Variants in LRRC74A observed in about 807,000 individuals in gnomAD.
LRRC74A encodes leucine-rich repeat-containing protein 74A.
LRRC74A carries 44 observed loss-of-function variants against 57.9 expected under a neutral mutation model. The ratio of observed to expected loss-of-function variants is 0.76; its 90% CI spans 0.60 to 0.98. The LOEUF (loss-of-function observed/expected upper bound fraction) is 0.98, where lower values mean the gene tolerates loss of function less well. LRRC74A is among the 50% of genes least tolerant of loss of function. The pLI is 0.00. For missense variants in LRRC74A, 572 were observed against 574.0 expected, an observed-to-expected ratio of 1.00 and a Z score of 0.04; for synonymous variants, 211 against 219.4, an observed-to-expected ratio of 0.96 and a Z score of 0.34.
chr14:76,853,207 T>C lies in LRRC74A; in HGVS notation c.763-9T>C, dbSNP rs184530018. ...TTGATGCTGGTGCTGTTCTCCCCTC[T>C]TCCTGGAGGGTAATGTGACCCTGAC... On this transcript the variant is annotated splice_polypyrimidine_tract_variant and intron_variant, in intron 8 of 13. Coordinates refer to ENST00000689127, the MANE Select transcript of LRRC74A (RefSeq NM_001385106.1). 17 of 1,602,838 alleles carry C rather than the reference T, an allele frequency of 1.1e-5. No individual in the cohort carries two copies. Among genetic ancestry groups the C allele is most frequent in the Admixed American group, 5.0e-5 (3 of 59,890 alleles).
intron 5 of LRRC74A, among the ~76,000 whole-genome samples, chr14:76,844,056 T>C (rs890982448): frequency 1.3e-5 from 2 of 152,144 alleles, no homozygotes; most frequent in African/African-American, 4.8e-5. Context: ...TGGAGTGCAG[T>C]GGCACCAACA....
At chr14:76,840,970 ATGT>A (rs1896727043) in intron 5 of LRRC74A, among the ~76,000 whole-genome samples, 1 of 152,228 alleles carries the variant, frequency 6.6e-6, no homozygotes, top group South Asian at 2.1e-4. Flanking sequence ...ATAACATAAG[ATGT>A]TGTGACTAAT....
intron 5 of LRRC74A, among the ~76,000 whole-genome samples, chr14:76,839,232 G>A (rs1208574555): frequency 6.6e-6 from 1 of 152,206 alleles, no homozygotes; most frequent in African/African-American, 2.4e-5. Flanking sequence ...ATATGAAGAT[G>A]TATCCATTTT....
At chr14:76,842,426 T>C (rs1315904815) in intron 5 of LRRC74A, among the ~76,000 whole-genome samples, 2 of 152,244 alleles carry the variant, frequency 1.3e-5, no homozygotes, top group African/African-American at 4.8e-5. Flanking sequence ...CACCCAGTCC[T>C]ATCCCAGACT....
intron 3 of LRRC74A, among the ~76,000 whole-genome samples, chr14:76,833,015 A>T (rs1309073031): frequency 6.6e-6 from 1 of 152,164 alleles, no homozygotes; most frequent in African/African-American, 2.4e-5. Context: ...TATAAAGTTG[A>T]TAGGGACAGT....
At chr14:76,867,290 G>C (rs1231618056) in intron 12 of LRRC74A, 66 bp from the exon 13 acceptor site, 50 of 521,370 alleles carry the variant, frequency 9.6e-5, no homozygotes, top group South Asian at 8.3e-4. Context: ...GTGTGTTTGG[G>C]GGGGTGTGCC....
chr14:76,839,348 G>T (rs1896590905), intron 5 of LRRC74A, among the ~76,000 whole-genome samples: 2 of 152,200 alleles, frequency 1.3e-5, no homozygotes, highest in Admixed American at 6.5e-5. Flanking sequence ...GAAATAACAA[G>T]CAATTTGTGA....
At chr14:76,835,732 A>G (rs902940593) in intron 3 of LRRC74A, among the ~76,000 whole-genome samples, 20 of 152,198 alleles carry the variant, frequency 1.3e-4, no homozygotes, top group African/African-American at 4.8e-4. Flanking sequence ...AATAATAAAT[A>G]AATGAATACA....
Position 76,844,862 on chromosome 14 carries a change from T to C in LRRC74A, c.637T>C (p.Phe213Leu). 6.3e-7 allele frequency: 1 copy of C among 1,596,092 alleles called. No individual in the cohort carries two copies. Among genetic ancestry groups the C allele is most frequent in the Non-Finnish European group, 8.6e-7 (1 of 1,163,754 alleles). ...IKKLDLSHNQFSDVGGEHLGQ... is the reference protein window; with the variant it reads ...IKKLDLSHNQLSDVGGEHLGQ... ...AAAGCTGGATCTCAGTCACAACCAATTCTCTGATGTAGGAGGGGAGCACCT... is the reference window on the plus strand; with the variant it reads ...AAAGCTGGATCTCAGTCACAACCAACTCTCTGATGTAGGAGGGGAGCACCT... Residue 213 changes from phenylalanine (F) to leucine (L), a missense_variant, in exon 7 of 14, where the codon TTC becomes CTC. Phe to Leu is a conservative substitution (Grantham distance 22, BLOSUM62 0). Coordinates refer to ENST00000689127, the MANE Select transcript of LRRC74A (RefSeq NM_001385106.1).
At chr14:76,857,253 G>A (rs1335422023) in intron 9 of LRRC74A, 127 bp from the exon 10 acceptor site, 3 of 613,568 alleles carry the variant, frequency 4.9e-6, no homozygotes, top group African/African-American at 3.7e-5. Flanking sequence ...AGGACAAGGA[G>A]ATAATTACTT....
At chr14:76,832,406 T>C (rs1411615419) in intron 3 of LRRC74A, among the ~76,000 whole-genome samples, 1 of 152,170 alleles carries the variant, frequency 6.6e-6, no homozygotes, top group Non-Finnish European at 1.5e-5. Flanking sequence ...CTCCTGAGCT[T>C]AAGTGATCCT....
chr14:76,843,815 G>A (rs955318068), intron 5 of LRRC74A, among the ~76,000 whole-genome samples: 2 of 149,616 alleles, frequency 1.3e-5, no homozygotes, highest in African/African-American at 2.5e-5. Flanking sequence ...AGCATTTCTC[G>A]TGCCTCAGCC....
chr14:76,857,614 T>C, intron 10 of LRRC74A, 139 bp downstream of exon 10: 1 of 619,766 alleles, frequency 1.6e-6, no homozygotes, highest in Non-Finnish European at 2.9e-6. Context: ...GGTCACTTCT[T>C]TTGTTACAGC....
chr14:76,844,647 T>C (rs1308787247), intron 6 of LRRC74A, among the ~76,000 whole-genome samples, 173 bp from the exon 7 acceptor site: 2 of 152,184 alleles, frequency 1.3e-5, no homozygotes, highest in East Asian at 1.9e-4. Flanking sequence ...GCTGTTTATA[T>C]GGCACTAAGT....
At chr14:76,828,821 C>A in intron 2 of LRRC74A, 2 of 410,462 alleles carry the variant, frequency 4.9e-6, no homozygotes. Context: ...TAGGCATTGC[C>A]CAGGGACAGC....
Position 76,828,605 on chromosome 14 carries a change from A to T in LRRC74A, c.166+186A>T, listed in dbSNP as rs758690710. 2.0e-5 allele frequency: 17 copies of T among 834,846 alleles called. No homozygotes were observed. In the Admixed American group the frequency reaches 3.4e-4, roughly 17 times the overall value. The allele number at this position is 834,846 out of a possible 1,614,324, so 51.7% of individuals were successfully genotyped here. Reference sequence around the variant, plus strand: ...CTCCTCCGGGCTGGCAGGGGAGAGCAGCTGCAGCTTCCCACGCTTGTCACC... The same window carrying T: ...CTCCTCCGGGCTGGCAGGGGAGAGCTGCTGCAGCTTCCCACGCTTGTCACC... On this transcript the variant is annotated intron_variant, in intron 2 of 13. Transcript: ENST00000689127.
rs995287752 is a variant in LRRC74A at position 76,850,170 on chromosome 14, T to G, written c.677-2195T>G. On this transcript the variant is annotated intron_variant, in intron 7 of 13. Coordinates refer to ENST00000689127, the MANE Select transcript of LRRC74A (RefSeq NM_001385106.1). The stretch of plus-strand genomic sequence containing the variant: ...TTGCAGTGAGCGGAGATTGCGCCAC[T>G]GCACTCCAGCCTGGGCGACAGACGG... Among the ~76,000 whole-genome samples, 7 of 152,262 alleles carry G rather than the reference T, an allele frequency of 4.6e-5. No homozygotes were observed. The South Asian group carries it at 1.5e-3, about 32-fold the overall frequency.
At chr14:76,854,711 GATGA>G (rs924608888) in intron 9 of LRRC74A, among the ~76,000 whole-genome samples, 2 of 152,166 alleles carry the variant, frequency 1.3e-5, no homozygotes, top group Admixed American at 6.6e-5. Flanking sequence ...GTGTGCTTCT[GATGA>G]ATGAATGAAT....
intron 3 of LRRC74A, among the ~76,000 whole-genome samples, chr14:76,831,985 C>T (rs1896007454): frequency 6.6e-6 from 1 of 152,192 alleles, no homozygotes; most frequent in African/African-American, 2.4e-5. Context: ...GAAAACCTAA[C>T]AACTGCCTGT....
Sources: gnomAD v4.1 joint callset for allele counts (sites outside exome capture counted in the v4.1 genomes callset) on GRCh38, gnomAD v4.1.1 for gene constraint, MANE v1.5 for transcripts, NCBI Gene and HGNC (gene_info 2026-07-23, HGNC 2026-07-21) for gene names.